SLCO1B1: variants seen among roughly 807,000 people sequenced by gnomAD.
SLCO1B1 encodes the protein OATP-2.
A neutral mutation model predicts 70.1 loss-of-function variants in SLCO1B1; 81 were observed. The ratio of observed to expected loss-of-function variants is 1.16; its 90% confidence interval spans 0.97 to 1.39. The LOEUF (loss-of-function observed/expected upper bound fraction) is 1.39, where lower values mean the gene tolerates loss of function less well. Ranked by LOEUF, SLCO1B1 falls within the 40% of genes most tolerant of loss-of-function variation. The probability of loss-of-function intolerance (pLI) is 0.00; values close to 1 mark genes in which losing one functional copy is unlikely to be tolerated. For missense variants in SLCO1B1, 895 were observed against 799.6 expected (o/e 1.12, Z -1.44); for synonymous variants, 283 against 271.5 (o/e 1.04, Z -0.42).
At chr12:21,176,727 A>G in intron 4 of SLCO1B1, 49 bp from the exon 5 acceptor site, 1 of 1,401,886 alleles carries the variant, frequency 7.1e-7, no homozygotes, top group Non-Finnish European at 1.0e-6. Context: ...GGAAAAGTGA[A>G]AATATTCAGT....
Position 21,152,533 on chromosome 12 carries a change from C to CTTTTTTTTTGTTTTTTTTTTTTTTTT in SLCO1B1, c.84+10884_84+10885insGTTTTTTTTTTTTTTTTTTTTTTTTT, listed in dbSNP as rs1940485572. ...TTGCTAAGGTGTGGGAGAGGAGAGG[C>CTTTTTTTTTGTTTTTTTTTTTTTTTT]TTTTTTTTTTTTTTTTTTGCCTCTG... is the stretch of plus-strand genomic sequence containing the variant. On this transcript the variant is annotated intron_variant, in intron 2 of 14. Coordinates refer to ENST00000256958, the MANE Select transcript of SLCO1B1 (RefSeq NM_006446.5). Among the ~76,000 whole-genome samples, 2 of 34,358 alleles carry CTTTTTTTTTGTTTTTTTTTTTTTTTT rather than the reference C, an allele frequency of 5.8e-5. 1 individual carries two copies. Among genetic ancestry groups the CTTTTTTTTTGTTTTTTTTTTTTTTTT allele is most frequent in the Non-Finnish European group, 1.0e-4 (2 of 19,386 alleles). The allele number at this position is 34,358 out of a possible 152,430, so 22.5% of individuals were successfully genotyped here. A position where few individuals can be genotyped will look rare whatever the true frequency, so the allele number is the denominator to read the frequency against.
intron 2 of SLCO1B1, among the ~76,000 whole-genome samples, chr12:21,171,337 A>T (rs1241442492): frequency 3.9e-5 from 6 of 152,226 alleles, no homozygotes; most frequent in Non-Finnish European, 8.8e-5. Flanking sequence ...CAAGGACAAG[A>T]GTAACAAAGT....
intron 4 of SLCO1B1, 32 bp from the exon 5 acceptor site, chr12:21,176,744 G>A: frequency 6.8e-7 from 1 of 1,476,102 alleles, no homozygotes; most frequent in Non-Finnish European, 9.4e-7. Flanking sequence ...CAGTAGATAA[G>A]CAAAATGTTT....
intron 11 of SLCO1B1, among the ~76,000 whole-genome samples, chr12:21,211,661 G>A (rs972295238): frequency 6.6e-6 from 1 of 151,998 alleles, no homozygotes; most frequent in South Asian, 2.1e-4. Flanking sequence ...TGTACCTCTG[G>A]TAGAATTCAG....
chr12:21,158,623 G>A (rs1166594651), intron 2 of SLCO1B1, among the ~76,000 whole-genome samples: 3 of 152,058 alleles, frequency 2.0e-5, no homozygotes, highest in Admixed American at 2.0e-4. Context: ...GAACCCAGGA[G>A]GCAGAGGTTG....
intron 1 of SLCO1B1, among the ~76,000 whole-genome samples, chr12:21,131,670 G>C (rs1205161144): frequency 2.1e-5 from 3 of 146,298 alleles, no homozygotes; most frequent in Admixed American, 6.9e-5. Flanking sequence ...GTAGAGGGAA[G>C]AGTTAATTGG....
At chr12:21,147,407 G>C (rs1431936846) in intron 2 of SLCO1B1, among the ~76,000 whole-genome samples, 2 of 152,060 alleles carry the variant, frequency 1.3e-5, no homozygotes, top group Non-Finnish European at 2.9e-5. Context: ...ATCTACATTA[G>C]GAATTTCTCC....
intron 1 of SLCO1B1, among the ~76,000 whole-genome samples, chr12:21,134,132 C>T (rs1042881208): frequency 2.6e-5 from 4 of 152,190 alleles, no homozygotes; most frequent in Admixed American, 1.3e-4. Context: ...TGCTGGATTA[C>T]ATTTATTGAT....
intron 2 of SLCO1B1, among the ~76,000 whole-genome samples, chr12:21,168,728 T>C (rs1174003150): frequency 1.3e-5 from 2 of 152,162 alleles, no homozygotes; most frequent in Non-Finnish European, 2.9e-5. Flanking sequence ...ATTTTTAAAT[T>C]GGGTTGTTCT....
intron 2 of SLCO1B1, among the ~76,000 whole-genome samples, chr12:21,163,682 A>G (rs1195435370): frequency 6.6e-6 from 1 of 152,156 alleles, no homozygotes; most frequent in African/African-American, 2.4e-5. Context: ...CATGGCTAAA[A>G]GAGAAAGAGA....
chr12:21,137,352 C>T (rs1005236809), intron 1 of SLCO1B1, among the ~76,000 whole-genome samples: 1 of 152,194 alleles, frequency 6.6e-6, no homozygotes, highest in Admixed American at 6.5e-5. Flanking sequence ...CTGCTCTCTT[C>T]AAAGCTGTCA....
intron 7 of SLCO1B1, among the ~76,000 whole-genome samples, chr12:21,184,909 G>A (rs955097263): frequency 6.6e-6 from 1 of 152,040 alleles, no homozygotes; most frequent in African/African-American, 2.4e-5. Context: ...GTAAAGGAAC[G>A]GAAAGAGATC....
At chr12:21,228,121 C>T (rs1156883376) in intron 14 of SLCO1B1, among the ~76,000 whole-genome samples, 1 of 152,038 alleles carries the variant, frequency 6.6e-6, no homozygotes, top group South Asian at 2.1e-4. Context: ...GGTCTTTGTA[C>T]ATCCCCACAT....
intron 1 of SLCO1B1, among the ~76,000 whole-genome samples, chr12:21,132,047 T>C (rs577629153): frequency 3.9e-5 from 6 of 152,236 alleles, no homozygotes; most frequent in African/African-American, 1.2e-4. Context: ...CCATGTGTTC[T>C]CATTGTTCAG....
At chr12:21,216,498 T>C (rs1338980186) in intron 11 of SLCO1B1, among the ~76,000 whole-genome samples, 3 of 152,204 alleles carry the variant, frequency 2.0e-5, no homozygotes, top group Non-Finnish European at 4.4e-5. Context: ...TTCTACATTT[T>C]CCACTTCTGT....
At chr12:21,205,341 C>A (rs566460744) in intron 10 of SLCO1B1, among the ~76,000 whole-genome samples, 4 of 151,770 alleles carry the variant, frequency 2.6e-5, no homozygotes, top group Non-Finnish European at 5.9e-5. Context: ...TCAACTGATT[C>A]TATTCTTGAT....
intron 7 of SLCO1B1, among the ~76,000 whole-genome samples, chr12:21,191,613 A>G (rs1001387397): frequency 6.6e-6 from 1 of 152,004 alleles, no homozygotes; most frequent in African/African-American, 2.4e-5. Flanking sequence ...TTCAAGTTTG[A>G]ATGTCTTTTA....
chr12:21,239,081 C>A lies in SLCO1B1; in HGVS notation c.1968C>A (p.Ile656=). ...AGAAAAAATATCAAGAGAAAGATAT[C>A]AATGCATCAGAAAATGGAAGTGTCA... The part of the protein sequence containing the change: ...AMKKKYQEKD[I]NASENGSVMD... The change falls in exon 15 of 15, where the codon ATC becomes ATA. Residue 656 remains isoleucine (I), a synonymous_variant. Coordinates refer to ENST00000256958, the MANE Select transcript of SLCO1B1 (RefSeq NM_006446.5). The A allele has an allele frequency of 1.9e-6, 3 of 1,597,466 alleles. No homozygotes were observed. Among genetic ancestry groups the A allele is most frequent in the Non-Finnish European group, 2.6e-6 (3 of 1,165,566 alleles).
chr12:21,210,694 A>G (rs1253447203), intron 11 of SLCO1B1, among the ~76,000 whole-genome samples: 3 of 148,924 alleles, frequency 2.0e-5, no homozygotes, highest in African/African-American at 7.4e-5. Context: ...ACCCATGAGC[A>G]TGGAATGTTC....
Sources: gnomAD v4.1 joint callset for allele counts (sites outside exome capture counted in the v4.1 genomes callset) on GRCh38, gnomAD v4.1.1 for gene constraint, MANE v1.5 for transcripts, NCBI Gene and HGNC (gene_info 2026-07-23, HGNC 2026-07-21) for gene names.